The following CTNNB1 variants were observed in gnomAD, a reference collection of about 807,000 sequenced individuals.
CTNNB1 encodes catenin beta 1.
Under a neutral mutation model 82.5 loss-of-function variants are expected in CTNNB1, and 6 were observed. The ratio of observed to expected loss-of-function variants is 0.07; its 90% CI spans 0.04 to 0.14. The LOEUF (loss-of-function observed/expected upper bound fraction) is 0.14. Ranked by LOEUF, CTNNB1 falls within the 10% of genes least tolerant of loss-of-function variation. The pLI, the probability that CTNNB1 is intolerant of heterozygous loss-of-function variation, is 1.00. For synonymous variants in CTNNB1, 312 were observed against 329.7 expected, an observed-to-expected ratio of 0.95 and a Z score of 0.58; for missense variants, 529 against 980.4, an observed-to-expected ratio of 0.54 and a Z score of 6.15.
intron 1 of CTNNB1, among the ~76,000 whole-genome samples, chr3:41,210,661 A>G (rs1445469550): frequency 6.6e-6 from 1 of 152,024 alleles, no homozygotes; most frequent in Non-Finnish European, 1.5e-5. Context: ...TGGCTGTTTT[A>G]TAGTTAACTT....
intron 1 of CTNNB1, 122 bp downstream of exon 1, chr3:41,199,792 G>A (rs532465388): frequency 1.5e-3 from 225 of 151,752 alleles, no homozygotes; most frequent in African/African-American, 4.9e-3. Context: ...CCTGGGGTTG[G>A]GAGCGGGGAG....
chr3:41,234,655 C>T (rs2078390807), intron 10 of CTNNB1: 2 of 279,588 alleles, frequency 7.2e-6, no homozygotes, highest in Non-Finnish European at 1.4e-5. Context: ...ACCCTTGCCT[C>T]ATCATGCATT....
Position 41,225,060 on chromosome 3 carries a change from T to C in CTNNB1, c.348T>C (p.Ala116=). ...GMQIPSTQFD[A]AHPTNVQRLA... is the part of the protein sequence containing the mutation. Reference sequence around the variant, plus strand: ...AGATCCCATCTACACAGTTTGATGCTGCTCATCCCACTAATGTCCAGCGTT... The same window carrying C: ...AGATCCCATCTACACAGTTTGATGCCGCTCATCCCACTAATGTCCAGCGTT... The change falls in exon 4 of 15, where the codon GCT becomes GCC. Residue 116 remains alanine, a synonymous_variant. Transcript: ENST00000349496. This position sits in a 1 kb window ranked among gnomAD's most constrained non-coding sequence, Gnocchi z 5.3. The C allele has an allele frequency of 5.0e-6, 8 of 1,614,128 alleles. No homozygotes were observed. The highest frequency in any genetic ancestry group is 5.9e-6 in the Non-Finnish European group (7 of 1,179,970).
At chr3:41,201,460 C>T (rs1000012468) in intron 1 of CTNNB1, among the ~76,000 whole-genome samples, 4 of 152,220 alleles carry the variant, frequency 2.6e-5, no homozygotes, top group Non-Finnish European at 5.9e-5. Context: ...GTTCTGAAGG[C>T]CGTGTACAAG....
intron 1 of CTNNB1, among the ~76,000 whole-genome samples, chr3:41,204,703 A>G (rs2077610662): frequency 6.6e-6 from 1 of 152,252 alleles, no homozygotes; most frequent in Non-Finnish European, 1.5e-5. Context: ...GTTGGTGAAC[A>G]AAATTCATAT....
At chr3:41,218,856 C>T (rs987036909) in intron 1 of CTNNB1, among the ~76,000 whole-genome samples, 6 of 152,220 alleles carry the variant, frequency 3.9e-5, no homozygotes, top group Non-Finnish European at 5.9e-5. Context: ...CACACCTTGC[C>T]GAATTGCAGC....
At chr3:41,237,507 T>C (rs1188144891) in intron 13 of CTNNB1, 1 of 150,524 alleles carries the variant, frequency 6.6e-6, no homozygotes, top group Non-Finnish European at 1.5e-5. Context: ...GGGTTTTTAA[T>C]AGGCATCTTA....
Position 41,233,653 on chromosome 3 carries a change from T to C in CTNNB1, c.1310T>C (p.Met437Thr). Reference sequence around the variant, plus strand: ...TGCAATAATTATAAGAACAAGATGATGGTCTGCCAAGTGGGTGGTATAGAG... The same window carrying C: ...TGCAATAATTATAAGAACAAGATGACGGTCTGCCAAGTGGGTGGTATAGAG... ...LTCNNYKNKM[M>T]VCQVGGIEAL... The change falls in exon 9 of 15, where the codon ATG (methionine) becomes ACG (threonine). Residue 437 changes from methionine (M) to threonine (T), a missense_variant. Around this residue, in one of 4 missense-constraint regions of CTNNB1, gnomAD observed 411 missense variants for 776.4 expected, o/e 0.53. Transcript: ENST00000349496. The C allele has an allele frequency of 6.2e-7, 1 of 1,614,188 alleles. No individual in the cohort carries two copies. Among genetic ancestry groups the C allele is most frequent in the Non-Finnish European group, 8.5e-7 (1 of 1,180,040 alleles).
chr3:41,227,178 C>CT, intron 6 of CTNNB1, 30 bp from the exon 7 acceptor site: 1 of 1,575,284 alleles, frequency 6.3e-7, no homozygotes, highest in Non-Finnish European at 8.7e-7. Flanking sequence ...GATTCCTTGA[C>CT]TAACAAGATA....
chr3:41,203,306 T>C (rs2077577267), intron 1 of CTNNB1, among the ~76,000 whole-genome samples: 1 of 152,096 alleles, frequency 6.6e-6, no homozygotes, highest in Admixed American at 6.5e-5. Context: ...ATTTCTAAAA[T>C]AATTAATATC....
At chr3:41,220,196 C>CTT (rs1214462278) in intron 1 of CTNNB1, among the ~76,000 whole-genome samples, 1 of 149,128 alleles carries the variant, frequency 6.7e-6, no homozygotes, top group Non-Finnish European at 1.5e-5. Context: ...TTTCCTATTT[C>CTT]TTTTTTTTTT....
In CTNNB1 at chr3:41,236,674, T is replaced by A. The variant is rs2125647325; in HGVS notation, c.2041T>A (p.Ser681Thr). 1 of 1,614,112 alleles carries A rather than the reference T, an allele frequency of 6.2e-7. No individual in the cohort carries two copies. Among genetic ancestry groups the A allele is most frequent in the Non-Finnish European group, 8.5e-7 (1 of 1,179,952 alleles). The change falls in exon 13 of 15, where the codon TCT (serine) becomes ACT (threonine). Residue 681 changes from serine to threonine, a missense_variant. Around this residue, in one of 4 missense-constraint regions of CTNNB1, gnomAD observed 102 missense variants for 130.8 expected, o/e 0.78. Coordinates refer to ENST00000349496, the MANE Select transcript of CTNNB1 (RefSeq NM_001904.4). Reference protein sequence around the residue: ...KKRLSVELTSSLFRTEPMAWN... With the variant: ...KKRLSVELTSTLFRTEPMAWN... ...ACGGCTTTCAGTTGAGCTGACCAGC[T>A]CTCTCTTCAGAACAGAGCCAATGGC...
At chr3:41,210,554 T>A (rs1245241588) in intron 1 of CTNNB1, among the ~76,000 whole-genome samples, 2 of 152,176 alleles carry the variant, frequency 1.3e-5, no homozygotes, top group Non-Finnish European at 2.9e-5. Context: ...CCACATCTTG[T>A]CCTTCTGGAA....
intron 10 of CTNNB1, chr3:41,235,230 T>G (rs1157432395): frequency 5.5e-6 from 1 of 180,190 alleles, no homozygotes; most frequent in African/African-American, 2.4e-5. Flanking sequence ...CTTCTATACA[T>G]GAGGCTGTCA....
Position 41,225,488 on chromosome 3 carries a change from C to T in CTNNB1, c.650C>T (p.Thr217Ile), listed in dbSNP as rs2078155555. The T allele has an allele frequency of 6.2e-7, 1 of 1,614,000 alleles. No individual in the cohort carries two copies. The highest frequency in any genetic ancestry group is 8.5e-7 in the Non-Finnish European group (1 of 1,179,982). ...GAAACAGCTCGTTGTACCGCTGGGA[C>T]CTTGCATAACCTTTCCCATCATCGT... Reference protein sequence around the residue: ...DVETARCTAGTLHNLSHHREG... With the variant: ...DVETARCTAGILHNLSHHREG... Residue 217 changes from threonine to isoleucine, a missense_variant, in exon 5 of 15, where the codon ACC becomes ATC. This residue lies in a region of CTNNB1 where 411 missense variants were observed against 776.4 expected (regional missense o/e 0.53). Coordinates refer to ENST00000349496, the MANE Select transcript of CTNNB1 (RefSeq NM_001904.4). The surrounding 1 kb of genome is among the most constrained non-coding windows in gnomAD (Gnocchi z 5.3).
intron 1 of CTNNB1, among the ~76,000 whole-genome samples, chr3:41,203,686 G>A (rs1311665838): frequency 6.6e-6 from 1 of 152,112 alleles, no homozygotes; most frequent in East Asian, 1.9e-4. Context: ...TGACCATAGG[G>A]TTGGTCTCAT....
intron 1 of CTNNB1, among the ~76,000 whole-genome samples, chr3:41,214,338 T>C (rs995084155): frequency 6.6e-6 from 1 of 151,762 alleles, no homozygotes; most frequent in Non-Finnish European, 1.5e-5. Flanking sequence ...TAAGAACCAT[T>C]GGGAGGATCT....
At chr3:41,236,819 C>T (rs1559477371) in intron 13 of CTNNB1, 110 bp downstream of exon 13, 2 of 1,439,338 alleles carry the variant, frequency 1.4e-6, no homozygotes, top group Admixed American at 1.7e-5. Context: ...TGATGTTTCC[C>T]TGGCTTGAGT....
intron 1 of CTNNB1, among the ~76,000 whole-genome samples, chr3:41,202,109 TTATAAG>T (rs2077545007): frequency 6.6e-6 from 1 of 152,218 alleles, no homozygotes. Flanking sequence ...TATTTTGTAG[TTATAAG>T]TAGCAGTGAA....
Sources: gnomAD v4.1 joint callset for allele counts (sites outside exome capture counted in the v4.1 genomes callset) on GRCh38, gnomAD v4.1.1 for gene constraint, gnomAD v4.1.1 regional missense constraint, Gnocchi (gnomAD v3.1) non-coding constraint, MANE v1.5 for transcripts, NCBI Gene and HGNC (gene_info 2026-07-23, HGNC 2026-07-21) for gene names.